ASNS: variants seen among roughly 807,000 people sequenced by gnomAD.
The protein encoded by ASNS is asparagine synthetase (glutamine-hydrolyzing), also known as asparagine synthetase [glutamine-hydrolyzing].
ASNS carries 37 observed loss-of-function variants against 62.6 expected under a neutral mutation model. The observed-to-expected ratio is 0.59, with a 90% confidence interval of 0.45 to 0.78. The LOEUF (loss-of-function observed/expected upper bound fraction) is 0.78, where lower values mean the gene tolerates loss of function less well. ASNS is among the 30% of genes least tolerant of loss of function. The pLI, the probability that ASNS is intolerant of heterozygous loss-of-function variation, is 0.00. For synonymous variants in ASNS, 207 were observed against 237.9 expected (o/e 0.87, Z 1.19); for missense variants, 520 against 682.4 (o/e 0.76, Z 2.65).
At chr7:97,882,709 G>A in the ASNS span, among the ~76,000 whole-genome samples, 1 of 152,112 alleles carries the variant, frequency 6.6e-6, no homozygotes, top group African/African-American at 2.4e-5. Flanking sequence ...AGCAGGGGGA[G>A]TGATGGTGGT....
At chr7:97,870,919 C>A (rs1227042197) in intron 1 of ASNS, among the ~76,000 whole-genome samples, 1 of 152,024 alleles carries the variant, frequency 6.6e-6, no homozygotes, top group Non-Finnish European at 1.5e-5. Context: ...TAGGAAAAAG[C>A]CAATTAAAAC....
At chr7:97,898,973 G>GTGA in the ASNS span, 1 of 769,432 alleles carries the variant, frequency 1.3e-6, no homozygotes. Context: ...TTGGGTCCTG[G>GTGA]CGACCAAGTC....
At chr7:97,875,476 G>A (rs2115803353), upstream of ASNS, among the ~76,000 whole-genome samples, 1 of 152,326 alleles carries the variant, frequency 6.6e-6, no homozygotes, top group South Asian at 2.1e-4. Flanking sequence ...GCATGTCTGG[G>A]CTGTGTTAGG....
At chr7:97,859,742 T>C (rs1169412862) in intron 4 of ASNS, among the ~76,000 whole-genome samples, 2 of 152,216 alleles carry the variant, frequency 1.3e-5, no homozygotes, top group Non-Finnish European at 2.9e-5. Flanking sequence ...GACACACTTA[T>C]GAAGCAAAGG....
chr7:97,903,562 T>C, the ASNS span, among the ~76,000 whole-genome samples: 1 of 152,176 alleles, frequency 6.6e-6, no homozygotes, highest in Admixed American at 6.5e-5. Flanking sequence ...ATTTGTTTAA[T>C]TCAGCCTCTG....
chr7:97,881,176 A>C, the ASNS span, among the ~76,000 whole-genome samples: 4 of 152,334 alleles, frequency 2.6e-5, no homozygotes, highest in East Asian at 7.7e-4. Context: ...TCCCAGCCTC[A>C]GGTGATCTGC....
the ASNS span, among the ~76,000 whole-genome samples, chr7:97,897,221 C>T: frequency 1.3e-5 from 2 of 152,136 alleles, no homozygotes; most frequent in African/African-American, 4.8e-5. Flanking sequence ...AAAGACAACA[C>T]CCCTCCCTTA....
At chr7:97,928,338 C>A in the ASNS span, 1 of 1,254,026 alleles carries the variant, frequency 8.0e-7, no homozygotes, top group African/African-American at 1.5e-5. Flanking sequence ...GGAAGAAGGA[C>A]CCGGCGCAAG....
the ASNS span, among the ~76,000 whole-genome samples, chr7:97,905,071 G>A: frequency 1.8e-3 from 281 of 152,118 alleles, no homozygotes; most frequent in African/African-American, 6.5e-3. Context: ...ATCAAACAGT[G>A]GCTCTTTATA....
At chr7:97,920,002 T>G in the ASNS span, among the ~76,000 whole-genome samples, 1 of 151,348 alleles carries the variant, frequency 6.6e-6, no homozygotes, top group African/African-American at 2.4e-5. Flanking sequence ...CCTCCTCCTC[T>G]TGTCCTGACT....
chr7:97,914,752 T>C, the ASNS span, among the ~76,000 whole-genome samples: 6 of 152,218 alleles, frequency 3.9e-5, no homozygotes, highest in African/African-American at 1.4e-4. Context: ...TGCCTGCACA[T>C]TAGGTATCTC....
chr7:97,860,324 G>C lies in ASNS; in HGVS notation c.488-926C>G, dbSNP rs1209567424. Among the ~76,000 whole-genome samples, 19 of 152,290 alleles carry C rather than the reference G, an allele frequency of 1.2e-4. No individual in the cohort carries two copies. In the East Asian group the frequency reaches 3.7e-3, roughly 29 times the overall value. ...TATTCCAGATGAGATAATTTGGTCT[G>C]GAAAAGGACAGTGTCAAGGATATAG... On this transcript the variant is annotated intron_variant, in intron 4 of 12. Coordinates refer to ENST00000394308, the MANE Select transcript of ASNS (RefSeq NM_001673.5).
the ASNS span, among the ~76,000 whole-genome samples, chr7:97,917,807 C>T: frequency 1.8e-4 from 28 of 152,332 alleles, no homozygotes; most frequent in Non-Finnish European, 3.2e-4. Context: ...TGACAGTCAA[C>T]CACGTATCAG....
chr7:97,856,856 A>T, intron 7 of ASNS, 40 bp from the exon 8 acceptor site: 1 of 1,537,572 alleles, frequency 6.5e-7, no homozygotes, highest in Non-Finnish European at 8.8e-7. Flanking sequence ...TGTTAAAGAA[A>T]ATAACTTCCC....
At chr7:97,876,716 G>A (rs576996934), upstream of ASNS, among the ~76,000 whole-genome samples, 19 of 151,944 alleles carry the variant, frequency 1.3e-4, no homozygotes, top group South Asian at 3.3e-3. Flanking sequence ...ATGAACCACC[G>A]TGCCCAGCTC....
chr7:97,878,371 T>C, the ASNS span, among the ~76,000 whole-genome samples: 1 of 152,090 alleles, frequency 6.6e-6, no homozygotes, highest in Non-Finnish European at 1.5e-5. Context: ...TCGTGATCGA[T>C]TGACCAAGAA....
chr7:97,854,505 G>A, intron 10 of ASNS, 75 bp downstream of exon 10: 1 of 1,548,482 alleles, frequency 6.5e-7, no homozygotes, highest in Non-Finnish European at 8.8e-7. Context: ...TTTTCTCAGG[G>A]TATTGAGCTT....
the ASNS span, among the ~76,000 whole-genome samples, chr7:97,924,197 T>C: frequency 6.6e-6 from 1 of 152,154 alleles, no homozygotes; most frequent in African/African-American, 2.4e-5. Context: ...ATGTCCAGTG[T>C]GTACCCTGCC....
At chr7:97,909,292 C>A in the ASNS span, among the ~76,000 whole-genome samples, 2 of 122,072 alleles carry the variant, frequency 1.6e-5, no homozygotes, top group Non-Finnish European at 1.6e-5. Flanking sequence ...TCCTCACATA[C>A]ACTTTTTTTT....
Sources: gnomAD v4.1 joint callset for allele counts (sites outside exome capture counted in the v4.1 genomes callset) on GRCh38, gnomAD v4.1.1 for gene constraint, MANE v1.5 for transcripts, NCBI Gene and HGNC (gene_info 2026-07-23, HGNC 2026-07-21) for gene names.